Variants in ITGA1 observed in about 807,000 individuals in gnomAD.
The protein encoded by ITGA1 is integrin alpha-1.
In ITGA1, 85 loss-of-function variants were observed where a neutral mutation model predicts 145.9. That is an observed-to-expected ratio of 0.58 (90% confidence interval 0.49 to 0.70). The LOEUF (loss-of-function observed/expected upper bound fraction) is 0.70, where lower values mean the gene tolerates loss of function less well. Ranked by LOEUF, ITGA1 falls within the 30% of genes least tolerant of loss-of-function variation. ITGA1 has a pLI of 0.00. For synonymous variants in ITGA1, 520 were observed against 495.3 expected, an observed-to-expected ratio of 1.05 and a Z score of -0.66; for missense variants, 1,351 against 1,418.7, an observed-to-expected ratio of 0.95 and a Z score of 0.77.
At chr5:52,900,042 G>A (rs968876097) in intron 11 of ITGA1, among the ~76,000 whole-genome samples, 1 of 152,106 alleles carries the variant, frequency 6.6e-6, no homozygotes, top group Non-Finnish European at 1.5e-5. Context: ...AAGATAGATG[G>A]GGCAGGTCAG....
At chr5:52,913,578 A>G (rs572552583) in intron 14 of ITGA1, among the ~76,000 whole-genome samples, 1 of 152,348 alleles carries the variant, frequency 6.6e-6, no homozygotes, top group East Asian at 1.9e-4. Flanking sequence ...CTATAAAAAC[A>G]AAAGAATTTA....
intron 1 of ITGA1, among the ~76,000 whole-genome samples, chr5:52,796,266 A>C (rs1318669845): frequency 1.2e-4 from 18 of 151,860 alleles, no homozygotes; most frequent in Non-Finnish European, 2.7e-4. Flanking sequence ...GAGACACTGG[A>C]AGTGTCTCAA....
intron 8 of ITGA1, among the ~76,000 whole-genome samples, chr5:52,891,180 G>A (rs1342040038): frequency 1.3e-5 from 2 of 151,380 alleles, no homozygotes; most frequent in African/African-American, 4.9e-5. Context: ...AAACAGTGCT[G>A]CAATAAACAG....
chr5:52,939,661 A>C lies in ITGA1; in HGVS notation c.3150A>C (p.Ser1050=), dbSNP rs748517905. ...ACTCTGGAAAGAAAATGACTACATC[A>C]ACTGACCATCTCAAACGAGGCACAA... ...SINSGKKMTT[S]TDHLKRGTIL... is the part of the protein sequence containing the mutation. Residue 1050 remains serine, a synonymous_variant, in exon 25 of 29, where the codon TCA becomes TCC. Transcript: ENST00000282588. The C allele has an allele frequency of 1.2e-6, 2 of 1,613,330 alleles. No homozygotes were observed. The highest frequency in any genetic ancestry group is 1.7e-6 in the Non-Finnish European group (2 of 1,179,292).
intron 1 of ITGA1, among the ~76,000 whole-genome samples, chr5:52,834,139 T>G (rs1749119353): frequency 6.6e-6 from 1 of 152,204 alleles, no homozygotes; most frequent in Admixed American, 6.5e-5. Flanking sequence ...AACCCTGTGT[T>G]ACTTTCATCT....
rs184087080 is a variant in ITGA1, at chr5:52,912,336, G to A, written c.1857+1917G>A. Among the ~76,000 whole-genome samples, 338 of 141,806 alleles carry A rather than the reference G, an allele frequency of 2.4e-3. 1 individual carries two copies. The Middle Eastern group carries it at 0.026, about 11-fold the overall frequency. 93.0% of individuals were successfully genotyped at this position (141,806 alleles called of 152,430 possible). On this transcript the variant is annotated intron_variant, in intron 14 of 28. Coordinates refer to ENST00000282588, the MANE Select transcript of ITGA1 (RefSeq NM_181501.2). Reference sequence around the variant, plus strand: ...ATATACTATATATTTCATATATAGTGTATCCAGTATATGTATTATATATAG... The same window carrying A: ...ATATACTATATATTTCATATATAGTATATCCAGTATATGTATTATATATAG...
Position 52,790,146 on chromosome 5 carries a change from C to CTTAT in ITGA1, c.61+1733_61+1736dup, listed in dbSNP as rs1748211131. Among the ~76,000 whole-genome samples, 7 of 152,296 alleles carry CTTAT rather than the reference C, an allele frequency of 4.6e-5. No individual in the cohort carries two copies. In the South Asian group the frequency reaches 1.4e-3, roughly 32 times the overall value. ...TGTAACCTGGGGACTCATCACCATA[C>CTTAT]TTATCCATGCACACTACTGTAGAGC... is the stretch of plus-strand genomic sequence containing the variant. On this transcript the variant is annotated intron_variant, in intron 1 of 28. Coordinates refer to ENST00000282588, the MANE Select transcript of ITGA1 (RefSeq NM_181501.2).
intron 28 of ITGA1, among the ~76,000 whole-genome samples, chr5:52,948,426 C>T (rs927966457): frequency 3.9e-5 from 6 of 152,138 alleles, no homozygotes; most frequent in Admixed American, 2.0e-4. Context: ...AGTTTCTCTC[C>T]CACTGAAATA....
intron 11 of ITGA1, among the ~76,000 whole-genome samples, chr5:52,899,252 C>T (rs1297723059): frequency 7.2e-5 from 11 of 152,280 alleles, no homozygotes; most frequent in South Asian, 4.2e-4. Flanking sequence ...CTTTCTGTCC[C>T]GGAGACAAGT....
At chr5:52,921,749 G>C (rs1366884694) in intron 17 of ITGA1, among the ~76,000 whole-genome samples, 4 of 152,108 alleles carry the variant, frequency 2.6e-5, no homozygotes, top group African/African-American at 9.7e-5. Context: ...ATTTGTTCTG[G>C]AGTCAGCCAG....
Position 52,796,245 on chromosome 5 carries a change from GT to G in ITGA1, c.61+7833del, listed in dbSNP as rs1748339428. On this transcript the variant is annotated intron_variant, in intron 1 of 28. Coordinates refer to ENST00000282588, the MANE Select transcript of ITGA1 (RefSeq NM_181501.2). ...TCCAGGATGCTTGACTTCTAGCCCA[GT>G]TCTCTTCTTGAGACACTGGAAGTGT... Among the ~76,000 whole-genome samples the G allele has an allele frequency of 2.0e-5, 3 of 151,828 alleles. No homozygotes were observed. In the South Asian group the frequency reaches 6.2e-4, roughly 31 times the overall value.
At chr5:52,911,559 T>A (rs1460913177) in intron 14 of ITGA1, among the ~76,000 whole-genome samples, 2 of 58,938 alleles carry the variant, frequency 3.4e-5, no homozygotes, top group Non-Finnish European at 8.0e-5. Context: ...ATATATAGTG[T>A]ATCTACTATA....
At chr5:52,941,236 A>C (rs1751049118) in intron 26 of ITGA1, among the ~76,000 whole-genome samples, 1 of 152,192 alleles carries the variant, frequency 6.6e-6, no homozygotes, top group African/African-American at 2.4e-5. Flanking sequence ...ACTGCAATGA[A>C]GATATGACCG....
intron 17 of ITGA1, among the ~76,000 whole-genome samples, chr5:52,921,595 G>C (rs964070051): frequency 1.3e-5 from 2 of 152,134 alleles, no homozygotes; most frequent in African/African-American, 4.8e-5. Flanking sequence ...ATATGGCATT[G>C]TCTCCAACCT....
At chr5:52,827,906 A>C (rs772176981) in intron 1 of ITGA1, among the ~76,000 whole-genome samples, 1 of 152,182 alleles carries the variant, frequency 6.6e-6, no homozygotes, top group African/African-American at 2.4e-5. Flanking sequence ...GGAAGACCAA[A>C]AAATTTGCAT....
Position 52,945,042 on chromosome 5 carries a change from G to A in ITGA1, c.3378+7G>A, listed in dbSNP as rs370267435. 2.6e-5 allele frequency: 41 copies of A among 1,598,538 alleles called. No homozygotes were observed. The highest frequency in any genetic ancestry group is 3.2e-5 in the Non-Finnish European group (37 of 1,167,052). On this transcript the variant is annotated splice_region_variant and intron_variant, in intron 27 of 28. Transcript: ENST00000282588. ...CAGCAATCAAAAAAGAGAGGTAAGT[G>A]CAACATGAGTTTTGAAAACATTATG... is the stretch of plus-strand genomic sequence containing the variant.
At chr5:52,934,527 G>T (rs577843603) in intron 23 of ITGA1, among the ~76,000 whole-genome samples, 13 of 151,758 alleles carry the variant, frequency 8.6e-5, no homozygotes, top group Non-Finnish European at 1.9e-4. Flanking sequence ...AATTACTCAT[G>T]TTGGTACTAC....
chr5:52,952,419 A>C lies in ITGA1; in HGVS notation c.3508A>C (p.Lys1170Gln), dbSNP rs1239270137. The C allele has an allele frequency of 1.4e-6, 2 of 1,429,088 alleles. No homozygotes were observed. The highest frequency in any genetic ancestry group is 1.9e-6 in the Non-Finnish European group (2 of 1,047,496). The allele number at this position is 1,429,088 out of a possible 1,614,324, so 88.5% of individuals were successfully genotyped here. Residue 1170 changes from lysine (K) to glutamine (Q), a missense_variant, in exon 29 of 29, where the codon AAA (lysine) becomes CAA (glutamine). Transcript: ENST00000282588. ...GTTTTCTCAACAGATTGGATTCTTC[A>C]AAAGACCACTGAAAAAGAAAATGGA... ...ILALWKIGFF[K>Q]RPLKKKMEK
intron 1 of ITGA1, among the ~76,000 whole-genome samples, chr5:52,837,451 G>C (rs1749177668): frequency 6.6e-6 from 1 of 152,122 alleles, no homozygotes; most frequent in African/African-American, 2.4e-5. Flanking sequence ...TGGAAAGTTA[G>C]CATTTCCCTC....
Sources: allele counts gnomAD v4.1 joint callset (sites outside exome capture counted in the v4.1 genomes callset), GRCh38; gene constraint gnomAD v4.1.1; transcripts MANE v1.5; gene names NCBI Gene and HGNC (gene_info 2026-07-23, HGNC 2026-07-21).